VTA1: variants seen among roughly 807,000 people sequenced by gnomAD.
VTA1 encodes the protein vacuolar protein sorting-associated protein VTA1 homolog.
In VTA1, 24 loss-of-function variants were observed where a neutral mutation model predicts 36.9. The observed-to-expected ratio is 0.65, with a 90% CI of 0.47 to 0.91. VTA1 has a LOEUF of 0.91. Among genes scored for constraint, VTA1 ranks in the 40% least tolerant of loss-of-function variants. The pLI, the probability that VTA1 is intolerant of heterozygous loss-of-function variation, is 0.00. For synonymous variants in VTA1, 142 were observed against 130.2 expected, an observed-to-expected ratio of 1.09 and a Z score of -0.62; for missense variants, 393 against 377.2, an observed-to-expected ratio of 1.04 and a Z score of -0.35.
intron 7 of VTA1, among the ~76,000 whole-genome samples, chr6:142,210,721 T>C (rs1217124623): frequency 6.6e-6 from 1 of 152,190 alleles, no homozygotes; most frequent in Non-Finnish European, 1.5e-5. Flanking sequence ...TTAAAATGGC[T>C]CATACCAAAA....
intron 7 of VTA1, among the ~76,000 whole-genome samples, chr6:142,211,707 T>A (rs1483370236): frequency 2.3e-5 from 2 of 86,808 alleles, no homozygotes; most frequent in Admixed American, 1.3e-4. Flanking sequence ...CGAGACTCCA[T>A]CTCTTAAAAA....
chr6:142,203,950 A>T, intron 6 of VTA1, 35 bp from the exon 7 acceptor site: 1 of 1,568,170 alleles, frequency 6.4e-7, no homozygotes, highest in Non-Finnish European at 8.8e-7. Context: ...AAGGTGTAAT[A>T]CTTCTATGCC....
In VTA1 at chr6:142,179,225, T is replaced by C. The variant is rs112383363; in HGVS notation, c.411+8804T>C. Among the ~76,000 whole-genome samples the C allele has an allele frequency of 9.3e-3, 1,408 of 152,192 alleles. 32 individuals carry two copies. Among genetic ancestry groups the C allele is most frequent in the African/African-American group, 0.032 (1,333 of 41,516 alleles). ...ACGAATAACGAGTGGCCACATAAATTGTTGTCTAGAATGTGAAAAACCAAG... is the reference window on the plus strand; with the variant it reads ...ACGAATAACGAGTGGCCACATAAATCGTTGTCTAGAATGTGAAAAACCAAG... On this transcript the variant is annotated intron_variant, in intron 4 of 7. Coordinates refer to ENST00000367630, the MANE Select transcript of VTA1 (RefSeq NM_016485.5).
chr6:142,170,695 T>C (rs1775013004), intron 4 of VTA1, among the ~76,000 whole-genome samples: 1 of 150,894 alleles, frequency 6.6e-6, no homozygotes, highest in South Asian at 2.1e-4. Flanking sequence ...TGCAGTGGTG[T>C]GATCTCAGCT....
intron 5 of VTA1, among the ~76,000 whole-genome samples, chr6:142,195,595 C>CTTTT (rs72442499): frequency 1.4e-5 from 1 of 70,706 alleles, no homozygotes; most frequent in Non-Finnish European, 2.8e-5. Context: ...GTTTAATTTG[C>CTTTT]TTTTTTTTTT....
intron 7 of VTA1, among the ~76,000 whole-genome samples, chr6:142,207,481 AG>A (rs1375001313): frequency 1.3e-5 from 2 of 152,152 alleles, no homozygotes; most frequent in Non-Finnish European, 2.9e-5. Flanking sequence ...TACATTTCCC[AG>A]GTCCTGTAGG....
At chr6:142,180,748 C>T (rs1015710717) in intron 4 of VTA1, among the ~76,000 whole-genome samples, 3 of 152,016 alleles carry the variant, frequency 2.0e-5, no homozygotes, top group African/African-American at 2.4e-5. Context: ...AGACAAACAT[C>T]GCTTCAGTGA....
intron 7 of VTA1, among the ~76,000 whole-genome samples, chr6:142,212,050 TC>T (rs1401580425): frequency 7.9e-5 from 12 of 152,106 alleles, no homozygotes; most frequent in Non-Finnish European, 5.9e-5. Context: ...CCACAGAAAC[TC>T]TCATTCATTG....
chr6:142,191,508 G>T (rs539700798), intron 5 of VTA1, among the ~76,000 whole-genome samples: 1 of 152,192 alleles, frequency 6.6e-6, no homozygotes, highest in African/African-American at 2.4e-5. Context: ...TAACTAAATA[G>T]ATTATTAAAT....
intron 1 of VTA1, 84 bp from the exon 2 acceptor site, chr6:142,166,140 ATTAT>A (rs1182874781): frequency 1.8e-5 from 15 of 829,236 alleles, no homozygotes; most frequent in African/African-American, 3.6e-5. Flanking sequence ...TGAATTTTTA[ATTAT>A]TTATTAGCAA....
chr6:142,183,905 C>T (rs1366707386), intron 4 of VTA1, among the ~76,000 whole-genome samples: 2 of 152,128 alleles, frequency 1.3e-5, no homozygotes, highest in African/African-American at 4.8e-5. Flanking sequence ...TCTTAAATTT[C>T]ACATACTAAT....
intron 1 of VTA1, among the ~76,000 whole-genome samples, chr6:142,164,231 T>C (rs1027353909): frequency 2.0e-5 from 3 of 152,160 alleles, no homozygotes; most frequent in African/African-American, 7.2e-5. Flanking sequence ...TTTATAGATA[T>C]TACCTTGTAA....
chr6:142,214,081 G>C (rs1775961486), intron 7 of VTA1, among the ~76,000 whole-genome samples: 1 of 152,018 alleles, frequency 6.6e-6, no homozygotes, highest in Admixed American at 6.5e-5. Context: ...TCCATTTTCA[G>C]ATAATCTCTT....
intron 5 of VTA1, among the ~76,000 whole-genome samples, chr6:142,189,795 C>T (rs910737015): frequency 1.5e-4 from 23 of 151,964 alleles, no homozygotes; most frequent in African/African-American, 5.1e-4. Context: ...CTCGCTCTGT[C>T]GCCCAGGCTG....
intron 4 of VTA1, among the ~76,000 whole-genome samples, chr6:142,184,213 T>G (rs994316137): frequency 6.6e-6 from 1 of 152,236 alleles, no homozygotes; most frequent in East Asian, 1.9e-4. Flanking sequence ...TGTTATTTCA[T>G]CTATTTTAAT....
intron 1 of VTA1, among the ~76,000 whole-genome samples, chr6:142,163,532 AT>A (rs532430864): frequency 0.011 from 1,652 of 149,570 alleles, 33 homozygotes; most frequent in African/African-American, 0.038. Flanking sequence ...TATGTGAGAA[AT>A]TTTTTTTTTT....
At chr6:142,155,565 T>A (rs1211875574) in intron 1 of VTA1, among the ~76,000 whole-genome samples, 1 of 152,226 alleles carries the variant, frequency 6.6e-6, no homozygotes, top group Non-Finnish European at 1.5e-5. Flanking sequence ...GTTCCATATG[T>A]CTATCTGAAG....
chr6:142,191,702 T>C (rs1775459642), intron 5 of VTA1, among the ~76,000 whole-genome samples: 1 of 152,082 alleles, frequency 6.6e-6, no homozygotes, highest in East Asian at 1.9e-4. Flanking sequence ...ACTCATTAAC[T>C]TAAAACATAA....
At chr6:142,184,266 T>C (rs532810468) in intron 4 of VTA1, among the ~76,000 whole-genome samples, 36 of 152,334 alleles carry the variant, frequency 2.4e-4, no homozygotes, top group South Asian at 4.1e-4. Context: ...TTTACCAAGA[T>C]AGACCTGAAT....
Sources: gnomAD v4.1 joint callset for allele counts (sites outside exome capture counted in the v4.1 genomes callset) on GRCh38, gnomAD v4.1.1 for gene constraint, MANE v1.5 for transcripts, NCBI Gene and HGNC (gene_info 2026-07-23, HGNC 2026-07-21) for gene names.